CALN1: variants seen among roughly 807,000 people sequenced by gnomAD.
The protein encoded by CALN1 is calcium-binding protein 8.
In CALN1, 17 loss-of-function variants were observed where a neutral mutation model predicts 30.6. The ratio of observed to expected loss-of-function variants is 0.56; its 90% CI spans 0.38 to 0.83. The LOEUF (loss-of-function observed/expected upper bound fraction) is 0.83. Ranked by LOEUF, CALN1 falls within the 40% of genes least tolerant of loss-of-function variation. The probability of loss-of-function intolerance (pLI) is 0.00; values close to 1 mark genes in which losing one functional copy is unlikely to be tolerated. For synonymous variants in CALN1, 156 were observed against 131.4 expected, an observed-to-expected ratio of 1.19 and a Z score of -1.28; for missense variants, 291 against 354.9, an observed-to-expected ratio of 0.82 and a Z score of 1.45.
intron 5 of CALN1, among the ~76,000 whole-genome samples, chr7:71,955,476 T>A (rs1342276524): frequency 6.6e-6 from 1 of 152,142 alleles, no homozygotes; most frequent in Admixed American, 6.6e-5. Context: ...ATATGACCCC[T>A]ACTCCCTAAG....
intron 3 of CALN1, among the ~76,000 whole-genome samples, chr7:72,169,562 A>AT: frequency 6.7e-6 from 1 of 148,672 alleles, no homozygotes; most frequent in African/African-American, 2.5e-5. Flanking sequence ...GCCTCAGGTG[A>AT]TTTTTTTGCC....
intron 2 of CALN1, among the ~76,000 whole-genome samples, chr7:72,377,287 T>A (rs1016031396): frequency 3.3e-5 from 5 of 152,110 alleles, no homozygotes; most frequent in Admixed American, 6.5e-5. Context: ...GTCTTTAGCT[T>A]TTTTTTAGAT....
intron 5 of CALN1, among the ~76,000 whole-genome samples, chr7:71,974,184 G>A (rs754648456): frequency 2.6e-5 from 4 of 152,074 alleles, no homozygotes; most frequent in Non-Finnish European, 4.4e-5. Flanking sequence ...TTGGGAGGCC[G>A]AGGCAGGTGG....
intron 3 of CALN1, among the ~76,000 whole-genome samples, chr7:72,136,590 C>A (rs1049929651): frequency 6.6e-6 from 1 of 152,206 alleles, no homozygotes; most frequent in African/African-American, 2.4e-5. Flanking sequence ...TTTTCCTTTG[C>A]ATTCGCAACT....
chr7:72,122,463 A>T (rs1314812101), intron 3 of CALN1, among the ~76,000 whole-genome samples: 1 of 152,030 alleles, frequency 6.6e-6, no homozygotes, highest in Non-Finnish European at 1.5e-5. Context: ...TTGGCTGGGC[A>T]TGGTGGCTCA....
chr7:72,015,433 CTT>C (rs60001547), intron 5 of CALN1, among the ~76,000 whole-genome samples: 30 of 136,116 alleles, frequency 2.2e-4, no homozygotes, highest in African/African-American at 7.4e-4. Context: ...TTCTTTCTTT[CTT>C]TTTTTTTTTT....
chr7:72,139,703 T>A (rs1014132699), intron 3 of CALN1, among the ~76,000 whole-genome samples: 2 of 152,174 alleles, frequency 1.3e-5, no homozygotes, highest in Non-Finnish European at 2.9e-5. Context: ...ATGTCCATCC[T>A]CTTCTAAGCT....
intron 2 of CALN1, among the ~76,000 whole-genome samples, chr7:72,382,128 G>A (rs1369348768): frequency 6.6e-6 from 1 of 152,196 alleles, no homozygotes. Flanking sequence ...GACCCTAAGA[G>A]GAATCAAAGC....
At chr7:72,414,994 A>G (rs954893742), upstream of CALN1, among the ~76,000 whole-genome samples, 5 of 152,240 alleles carry the variant, frequency 3.3e-5, no homozygotes, top group Admixed American at 3.3e-4. Flanking sequence ...CTGTGGCTTT[A>G]TAAGAGGAAG....
intron 3 of CALN1, among the ~76,000 whole-genome samples, chr7:72,275,990 T>G (rs1797307898): frequency 1.3e-5 from 2 of 152,100 alleles, no homozygotes; most frequent in African/African-American, 4.8e-5. Context: ...GCCATTGCAC[T>G]GAAAAGTCAC....
intron 5 of CALN1, among the ~76,000 whole-genome samples, chr7:71,902,864 A>T (rs1039853914): frequency 2.7e-4 from 41 of 152,186 alleles, no homozygotes; most frequent in African/African-American, 9.6e-4. Context: ...CCATTATCCT[A>T]AGTGAAATAA....
the CALN1 span, among the ~76,000 whole-genome samples, chr7:72,485,238 G>A: frequency 2.0e-5 from 3 of 152,060 alleles, no homozygotes; most frequent in Non-Finnish European, 4.4e-5. Flanking sequence ...CTGGGCAACA[G>A]AGCAAGACTC....
chr7:72,393,066 T>C (rs138314981), intron 2 of CALN1, among the ~76,000 whole-genome samples: 258 of 152,198 alleles, frequency 1.7e-3, no homozygotes, highest in African/African-American at 5.7e-3. Context: ...GTGATTCCAA[T>C]TTTTTCCATG....
intron 2 of CALN1, among the ~76,000 whole-genome samples, chr7:72,387,492 C>T (rs560118120): frequency 2.0e-5 from 3 of 152,176 alleles, no homozygotes; most frequent in East Asian, 3.9e-4. Flanking sequence ...ACACTCCCTC[C>T]GCCCCGGGTG....
intron 2 of CALN1, among the ~76,000 whole-genome samples, chr7:72,371,099 TATTA>T (rs1562928714): frequency 6.6e-6 from 1 of 151,662 alleles, no homozygotes; most frequent in Non-Finnish European, 1.5e-5. Flanking sequence ...AAGTCTGGTA[TATTA>T]ATTTGTTCTT....
At chr7:72,341,541 C>CTGT (rs1802385913) in intron 2 of CALN1, among the ~76,000 whole-genome samples, 1 of 127,024 alleles carries the variant, frequency 7.9e-6, no homozygotes, top group Non-Finnish European at 1.8e-5. Flanking sequence ...AAAAAACAGA[C>CTGT]AAACAAACAA....
At chr7:72,325,924 C>T (rs1801245690) in intron 2 of CALN1, among the ~76,000 whole-genome samples, 1 of 152,150 alleles carries the variant, frequency 6.6e-6, no homozygotes, top group Non-Finnish European at 1.5e-5. Flanking sequence ...TTTTAGAAGA[C>T]AGGGTCTTGT....
intron 3 of CALN1, among the ~76,000 whole-genome samples, chr7:72,162,443 G>C (rs1788178656): frequency 6.6e-6 from 1 of 151,954 alleles, no homozygotes; most frequent in Non-Finnish European, 1.5e-5. Flanking sequence ...AAAACAAAGA[G>C]GATATATGGG....
intron 5 of CALN1, among the ~76,000 whole-genome samples, chr7:71,814,158 A>G (rs977498253): frequency 6.6e-5 from 10 of 151,954 alleles, no homozygotes; most frequent in Non-Finnish European, 1.0e-4. Flanking sequence ...TCCTCACCCC[A>G]AGGTTTTTGT....
Sources: gnomAD v4.1 joint callset for allele counts (sites outside exome capture counted in the v4.1 genomes callset) on GRCh38, gnomAD v4.1.1 for gene constraint, MANE v1.5 for transcripts, NCBI Gene and HGNC (gene_info 2026-07-23, HGNC 2026-07-21) for gene names.